Variants in DYRK4 observed in about 807,000 individuals in gnomAD.
The protein encoded by DYRK4 is dual specificity tyrosine phosphorylation regulated kinase 4.
Under a neutral mutation model 68.3 loss-of-function variants are expected in DYRK4, and 64 were observed. The observed-to-expected ratio is 0.94, with a 90% confidence interval of 0.77 to 1.15. The LOEUF (loss-of-function observed/expected upper bound fraction) is 1.15. Among genes scored for constraint, DYRK4 ranks in the 50% most tolerant of loss-of-function variants. The pLI is 0.00. For missense variants in DYRK4, 740 were observed against 764.7 expected (o/e 0.97, Z 0.38); for synonymous variants, 274 against 289.9 (o/e 0.95, Z 0.56).
At chr12:4,596,471 T>C (rs1041883497) in intron 7 of DYRK4, 118 bp from the exon 8 acceptor site, 104 of 1,497,564 alleles carry the variant, frequency 6.9e-5, no homozygotes, top group Non-Finnish European at 8.9e-5. Flanking sequence ...TTTTAGTGCT[T>C]CCTGCCACTA....
chr12:4,563,192 G>A, intron 1 of DYRK4: 1 of 454,554 alleles, frequency 2.2e-6, no homozygotes, highest in Non-Finnish European at 4.4e-6. Flanking sequence ...TAAAACCTAG[G>A]AGTTCGAAGA....
At chr12:4,574,386 T>C (rs1944765404) in intron 2 of DYRK4, among the ~76,000 whole-genome samples, 1 of 152,184 alleles carries the variant, frequency 6.6e-6, no homozygotes, top group African/African-American at 2.4e-5. Context: ...CCTTCTAAAC[T>C]ATGTATTGGC....
At chr12:4,584,397 T>A (rs1160849544) in intron 2 of DYRK4, among the ~76,000 whole-genome samples, 2 of 152,100 alleles carry the variant, frequency 1.3e-5, no homozygotes, top group African/African-American at 2.4e-5. Flanking sequence ...GCCGGAAGAA[T>A]CTTTGAGGCA....
intron 10 of DYRK4, among the ~76,000 whole-genome samples, chr12:4,601,259 G>A (rs1260188596): frequency 6.6e-6 from 1 of 152,194 alleles, no homozygotes; most frequent in Non-Finnish European, 1.5e-5. Context: ...ACACACTGTT[G>A]GAGGAACTGT....
intron 1 of DYRK4, 37 bp downstream of exon 1, chr12:4,562,320 A>T: frequency 1.3e-6 from 2 of 1,526,550 alleles, no homozygotes; most frequent in Non-Finnish European, 1.8e-6. Context: ...ACGAGCAGTC[A>T]GGCGCGAGTA....
Position 4,594,094 on chromosome 12 carries a change from C to T in DYRK4, c.627+929C>T, listed in dbSNP as rs1032601043. Among the ~76,000 whole-genome samples, 3 of 152,102 alleles carry T rather than the reference C, an allele frequency of 2.0e-5. 1 individual carries two copies. The South Asian group carries it at 6.2e-4, about 32-fold the overall frequency. On this transcript the variant is annotated intron_variant, in intron 6 of 14. Coordinates refer to ENST00000543431, the MANE Select transcript of DYRK4 (RefSeq NM_001394779.1). Reference sequence around the variant, plus strand: ...TGTCACACAGCTGCCTTCTAGAGCCCGGGTTTTCAATATTTTCGGTCAAGC... The same window carrying T: ...TGTCACACAGCTGCCTTCTAGAGCCTGGGTTTTCAATATTTTCGGTCAAGC...
At chr12:4,598,688 T>A (rs1565539986) in intron 8 of DYRK4, among the ~76,000 whole-genome samples, 1 of 152,110 alleles carries the variant, frequency 6.6e-6, no homozygotes, top group Non-Finnish European at 1.5e-5. Flanking sequence ...CTTGTTTGAG[T>A]GACTGGTGGG....
intron 2 of DYRK4, among the ~76,000 whole-genome samples, chr12:4,577,644 A>G (rs971186511): frequency 6.6e-6 from 1 of 152,192 alleles, no homozygotes; most frequent in Non-Finnish European, 1.5e-5. Flanking sequence ...TTTTAGAATC[A>G]GTTTGTTGAT....
chr12:4,563,120 A>T (rs1408095466), intron 1 of DYRK4: 1 of 456,000 alleles, frequency 2.2e-6, no homozygotes, highest in African/African-American at 2.0e-5. Context: ...CCGTGGAAAC[A>T]ACAAATGAAA....
At chr12:4,608,428 C>T (rs966604487) in intron 12 of DYRK4, among the ~76,000 whole-genome samples, 3 of 152,264 alleles carry the variant, frequency 2.0e-5, no homozygotes, top group African/African-American at 7.2e-5. Flanking sequence ...ACAACTTGCT[C>T]CATCAGTAGG....
chr12:4,580,185 C>G (rs2137340401), intron 2 of DYRK4, among the ~76,000 whole-genome samples: 1 of 152,350 alleles, frequency 6.6e-6, no homozygotes, highest in South Asian at 2.1e-4. Context: ...GACCCCCAGG[C>G]TCTTGCCCTT....
chr12:4,591,098 G>T lies in DYRK4; in HGVS notation c.325-62G>T. The T allele has an allele frequency of 6.4e-7, 1 of 1,555,644 alleles. No homozygotes were observed. Among genetic ancestry groups the T allele is most frequent in the South Asian group, 1.2e-5 (1 of 82,086 alleles). On this transcript the variant is annotated intron_variant, in intron 4 of 14. Coordinates refer to ENST00000543431, the MANE Select transcript of DYRK4 (RefSeq NM_001394779.1). This position sits in a 1 kb window ranked among gnomAD's most constrained non-coding sequence, Gnocchi z 4.1. ...GGTGGGTGTCTTTGGTTAAATAAATGGTTTATGGCCCCCAGGAGAGTCCTA... is the reference window on the plus strand; with the variant it reads ...GGTGGGTGTCTTTGGTTAAATAAATTGTTTATGGCCCCCAGGAGAGTCCTA...
At chr12:4,574,562 G>A (rs866168626) in intron 2 of DYRK4, among the ~76,000 whole-genome samples, 4 of 152,132 alleles carry the variant, frequency 2.6e-5, no homozygotes, top group Non-Finnish European at 5.9e-5. Flanking sequence ...CCTGTGCCCC[G>A]AGTCTTTAAA....
chr12:4,583,943 C>A (rs1402220941), intron 2 of DYRK4, among the ~76,000 whole-genome samples: 1 of 152,186 alleles, frequency 6.6e-6, no homozygotes, highest in Non-Finnish European at 1.5e-5. Flanking sequence ...TGTGGGACCG[C>A]CCCGCCCGAT....
chr12:4,595,998 G>T, intron 6 of DYRK4, 151 bp from the exon 7 acceptor site: 1 of 816,776 alleles, frequency 1.2e-6, no homozygotes, highest in Non-Finnish European at 1.9e-6. Flanking sequence ...GTCGCAATGA[G>T]ATGAGGGCGA....
intron 10 of DYRK4, chr12:4,602,595 C>A: frequency 7.5e-7 from 1 of 1,326,564 alleles, no homozygotes; most frequent in South Asian, 1.2e-5. Flanking sequence ...CAACATCAAT[C>A]TTTGCTGCAG....
chr12:4,574,786 C>T (rs1411037392), intron 2 of DYRK4, among the ~76,000 whole-genome samples: 3 of 152,170 alleles, frequency 2.0e-5, no homozygotes, highest in Non-Finnish European at 2.9e-5. Flanking sequence ...GGTGCGATCT[C>T]GGCTCACTGC....
intron 13 of DYRK4, among the ~76,000 whole-genome samples, chr12:4,611,080 A>G (rs1945215282): frequency 6.6e-6 from 1 of 152,160 alleles, no homozygotes; most frequent in Non-Finnish European, 1.5e-5. Context: ...TATCAGTCCT[A>G]TAATTTAGTA....
intron 8 of DYRK4, chr12:4,596,974 G>A (rs1280383829): frequency 1.5e-6 from 2 of 1,347,692 alleles, no homozygotes; most frequent in Middle Eastern, 2.8e-4. Flanking sequence ...ACTGAGCCAG[G>A]TGACATGACC....
Sources: allele counts gnomAD v4.1 joint callset (sites outside exome capture counted in the v4.1 genomes callset), GRCh38; gene constraint gnomAD v4.1.1; non-coding constraint Gnocchi (gnomAD v3.1); transcripts MANE v1.5; gene names NCBI Gene and HGNC (gene_info 2026-07-23, HGNC 2026-07-21).